Variants in DST observed in about 807,000 individuals in gnomAD.
DST encodes the protein dystonin.
Under a neutral mutation model 875.2 loss-of-function variants are expected in DST, and 253 were observed. The ratio of observed to expected loss-of-function variants is 0.29; its 90% confidence interval spans 0.26 to 0.32. DST has a LOEUF of 0.32. DST is among the 10% of genes least tolerant of loss of function. The pLI, the probability that DST is intolerant of heterozygous loss-of-function variation, is 1.00. For missense variants in DST, 8,287 were observed against 9,111.6 expected (o/e 0.91, Z 3.68); for synonymous variants, 3,124 against 3,197.1 (o/e 0.98, Z 0.77).
chr6:56,843,637 G>A (rs2127557594), intron 4 of DST: 2 of 984,148 alleles, frequency 2.0e-6, no homozygotes, highest in Middle Eastern at 5.2e-4. Flanking sequence ...GATGCTGCGC[G>A]GCGCATCTGC....
At chr6:56,805,205 G>A (rs1373437616) in intron 4 of DST, among the ~76,000 whole-genome samples, 7 of 152,052 alleles carry the variant, frequency 4.6e-5, no homozygotes, top group Non-Finnish European at 7.4e-5. Flanking sequence ...AACAAACGAG[G>A]CAGCCAAGAG....
At chr6:56,487,366 T>C (rs773669518) in intron 86 of DST, 93 bp from the exon 87 acceptor site, 8 of 1,130,844 alleles carry the variant, frequency 7.1e-6, no homozygotes, top group Non-Finnish European at 9.7e-6. Flanking sequence ...TAAATGGAGA[T>C]GAATTATAGA....
chr6:56,636,972 A>C (rs1051147037), intron 22 of DST, among the ~76,000 whole-genome samples: 16 of 152,066 alleles, frequency 1.1e-4, no homozygotes, highest in Non-Finnish European at 2.9e-5. Flanking sequence ...GATCCCAGCT[A>C]CTCAGGAGGC....
At chr6:56,497,533 G>A (rs2095959864) in intron 81 of DST, 26 bp from the exon 82 acceptor site, 6 of 1,608,794 alleles carry the variant, frequency 3.7e-6, no homozygotes, top group Non-Finnish European at 5.1e-6. Context: ...GTTTTAAGTT[G>A]GGGCCATAAA....
At chr6:56,765,544 C>A (rs974098032) in intron 4 of DST, among the ~76,000 whole-genome samples, 1 of 152,124 alleles carries the variant, frequency 6.6e-6, no homozygotes, top group East Asian at 1.9e-4. Context: ...GTAAAATAAA[C>A]GTACAGTGCA....
intron 4 of DST, among the ~76,000 whole-genome samples, chr6:56,813,412 T>C (rs898954828): frequency 2.6e-5 from 4 of 151,674 alleles, no homozygotes; most frequent in African/African-American, 4.8e-5. Flanking sequence ...TAAAATAAAA[T>C]GTCCACTTAC....
At chr6:56,763,879 C>T (rs1478613327) in intron 4 of DST, among the ~76,000 whole-genome samples, 1 of 152,056 alleles carries the variant, frequency 6.6e-6, no homozygotes, top group African/African-American at 2.4e-5. Flanking sequence ...ACTAAGTACA[C>T]AATGACCTAA....
Position 56,610,426 on chromosome 6 carries a change from C to A in DST, c.5283+1G>T. ...CCTCATGTTTAAATAAATAATATTA[C>A]CTTCTCCTCTACCTTTACATCTCCT... is the stretch of plus-strand genomic sequence containing the variant. On this transcript the variant is annotated splice_donor_variant, in intron 39 of 103. Transcript: ENST00000680361. LOFTEE classifies it high-confidence loss of function. 1 of 1,545,846 alleles carries A rather than the reference C, an allele frequency of 6.5e-7. No individual in the cohort carries two copies. The highest frequency in any genetic ancestry group is 1.2e-5 in the South Asian group (1 of 80,796).
At position 56,593,890 on chromosome 6, in the gene DST, T is replaced by C. The variant is rs754869944; in HGVS notation, c.12499A>G (p.Ile4167Val). 3 of 1,613,900 alleles carry C rather than the reference T, an allele frequency of 1.9e-6. No homozygotes were observed. Among genetic ancestry groups the C allele is most frequent in the Non-Finnish European group, 2.5e-6 (3 of 1,179,882 alleles). ...LENLEAGADD[I>V]NGLMTKLKRQ... ...TTCAATTTGGTCATTAAACCATTGA[T>C]GTCATCTGCACCTGCCTCCAGGTTT... is the stretch of plus-strand genomic sequence containing the variant. The change falls in exon 48 of 104, where the codon ATC (isoleucine) becomes GTC (valine). Residue 4167 changes from isoleucine (I) to valine (V), a missense_variant. Ile to Val is a conservative substitution (Grantham distance 29, BLOSUM62 3). Around this residue, in one of 10 missense-constraint regions of DST, gnomAD observed 1,513 missense variants for 1,677.8 expected, o/e 0.90. Transcript: ENST00000680361.
At chr6:56,710,904 T>G (rs1348698664) in intron 5 of DST, among the ~76,000 whole-genome samples, 1 of 152,206 alleles carries the variant, frequency 6.6e-6, no homozygotes, top group East Asian at 1.9e-4. Flanking sequence ...CTACGTTAAG[T>G]CAACATTAAG....
Position 56,938,082 on chromosome 6 carries a change from T to TTCTCTC in DST, c.216+15697_216+15702dup, listed in dbSNP as rs144019912. On this transcript the variant is annotated intron_variant, in intron 2 of 103. Coordinates refer to ENST00000680361, the MANE Select transcript of DST (RefSeq NM_001374736.1). ...CTAGAAATTACACCTCTCTCTCTCT[T>TTCTCTC]TCTCTCTCTCTCTCTCTCTCTCTCT... 5.5e-3 allele frequency among the ~76,000 whole-genome samples: 721 copies of TTCTCTC among 131,654 alleles called. 2 individuals are homozygous for TTCTCTC. The highest frequency in any genetic ancestry group is 0.022 in the African/African-American group (675 of 30,390). 86.4% of individuals were successfully genotyped at this position (131,654 alleles called of 152,430 possible).
intron 4 of DST, among the ~76,000 whole-genome samples, chr6:56,798,168 A>G (rs948224066): frequency 2.0e-5 from 3 of 152,236 alleles, no homozygotes; most frequent in African/African-American, 7.2e-5. Context: ...CAGTTTATCA[A>G]TGTGGACAAA....
At chr6:56,696,775 C>G (rs1041117575) in intron 9 of DST, among the ~76,000 whole-genome samples, 1 of 152,112 alleles carries the variant, frequency 6.6e-6, no homozygotes, top group African/African-American at 2.4e-5. Flanking sequence ...ACTTGAAATT[C>G]TCTTCCCTTG....
intron 5 of DST, among the ~76,000 whole-genome samples, chr6:56,716,950 G>T (rs1414070174): frequency 6.6e-6 from 1 of 152,158 alleles, no homozygotes; most frequent in African/African-American, 2.4e-5. Context: ...GGGAGGCCAA[G>T]GCGGGCGGAT....
Position 56,607,962 on chromosome 6 carries a change from G to A in DST, c.6666C>T (p.Tyr2222=), listed in dbSNP as rs200588984. Reference sequence around the variant, plus strand: ...CAACAGCCTCATCCAAGTCTCCATCGTACAGCAAAAGCCTTTGCCCTGTGT... The same window carrying A: ...CAACAGCCTCATCCAAGTCTCCATCATACAGCAAAAGCCTTTGCCCTGTGT... ...DANTGQRLLL[Y]DGDLDEAVGM... The change falls in exon 40 of 104, where the codon TAC becomes TAT. Residue 2222 remains tyrosine, a synonymous_variant. Coordinates refer to ENST00000680361, the MANE Select transcript of DST (RefSeq NM_001374736.1). The A allele has an allele frequency of 8.2e-5, 133 of 1,613,506 alleles. No individual in the cohort carries two copies. The highest frequency in any genetic ancestry group is 7.8e-4 in the East Asian group (35 of 44,856).
intron 4 of DST, among the ~76,000 whole-genome samples, chr6:56,793,351 A>C (rs1424896940): frequency 1.3e-5 from 2 of 152,188 alleles, no homozygotes; most frequent in Non-Finnish European, 2.9e-5. Flanking sequence ...TCTAAACTTA[A>C]ATTTTAATGG....
chr6:56,868,739 T>C (rs2127604282), intron 3 of DST, among the ~76,000 whole-genome samples: 1 of 152,352 alleles, frequency 6.6e-6, no homozygotes, highest in East Asian at 1.9e-4. Context: ...TCCATGAACA[T>C]TTTCTCTATT....
intron 5 of DST, among the ~76,000 whole-genome samples, chr6:56,712,586 C>T (rs2099376504): frequency 6.6e-6 from 1 of 152,106 alleles, no homozygotes; most frequent in African/African-American, 2.4e-5. Context: ...ATCTGTGTGC[C>T]ATGACTTAAA....
chr6:56,742,438 G>A lies in DST; in HGVS notation c.626-7149C>T. On this transcript the variant is annotated intron_variant, in intron 4 of 103. Transcript: ENST00000680361. Reference sequence around the variant, plus strand: ...CTTTCTATGTAGAAAAGAAAACACTGACTAGACACTCCTACTTGCAAGCTG... The same window carrying A: ...CTTTCTATGTAGAAAAGAAAACACTAACTAGACACTCCTACTTGCAAGCTG... The A allele has an allele frequency of 3.0e-6, 3 of 1,015,812 alleles. No homozygotes were observed. The South Asian group carries it at 4.0e-5, about 14-fold the overall frequency. The allele number at this position is 1,015,812 out of a possible 1,614,324, so 62.9% of individuals were successfully genotyped here.
Sources: gnomAD v4.1 joint callset for allele counts (sites outside exome capture counted in the v4.1 genomes callset) on GRCh38, gnomAD v4.1.1 for gene constraint, gnomAD v4.1.1 regional missense constraint, MANE v1.5 for transcripts, NCBI Gene and HGNC (gene_info 2026-07-23, HGNC 2026-07-21) for gene names.